Variants in TANGO6 observed in about 807,000 individuals in gnomAD.
TANGO6 encodes transport and golgi organization 6 homolog.
TANGO6 carries 90 observed loss-of-function variants against 114.2 expected under a neutral mutation model. The ratio of observed to expected loss-of-function variants is 0.79; its 90% CI spans 0.66 to 0.94. The LOEUF (loss-of-function observed/expected upper bound fraction) is 0.94. TANGO6 is among the 40% of genes least tolerant of loss of function. TANGO6 has a pLI of 0.00. For synonymous variants in TANGO6, 477 were observed against 509.8 expected (o/e 0.94, Z 0.87); for missense variants, 1,274 against 1,315.3 (o/e 0.97, Z 0.49).
At chr16:68,856,057 A>G (rs769928357) in intron 1 of TANGO6, among the ~76,000 whole-genome samples, 5 of 152,186 alleles carry the variant, frequency 3.3e-5, no homozygotes, top group South Asian at 2.1e-4. Flanking sequence ...TACATAAACA[A>G]TGATTCCATC....
chr16:68,998,598 G>A (rs902417867), intron 15 of TANGO6, among the ~76,000 whole-genome samples: 7 of 151,976 alleles, frequency 4.6e-5, no homozygotes, highest in African/African-American at 7.2e-5. Context: ...AGATGTGGTG[G>A]TGGACAACTG....
chr16:69,065,540 T>C (rs902763075), intron 17 of TANGO6, among the ~76,000 whole-genome samples: 36 of 152,218 alleles, frequency 2.4e-4, no homozygotes, highest in African/African-American at 8.2e-4. Context: ...ATTTGCACTT[T>C]AGATGCTCTC....
intron 7 of TANGO6, among the ~76,000 whole-genome samples, chr16:68,886,952 C>T (rs538782643): frequency 4.6e-5 from 7 of 152,124 alleles, no homozygotes; most frequent in South Asian, 2.1e-4. Context: ...GGATTACAGG[C>T]GCCAGCCACC....
chr16:68,997,471 A>T (rs550714767), intron 15 of TANGO6, among the ~76,000 whole-genome samples: 2 of 152,212 alleles, frequency 1.3e-5, no homozygotes. Flanking sequence ...GGACATTGCT[A>T]TGGCATTTAT....
intron 17 of TANGO6, among the ~76,000 whole-genome samples, chr16:69,064,613 A>G (rs188052494): frequency 4.6e-5 from 7 of 152,350 alleles, no homozygotes; most frequent in South Asian, 4.1e-4. Context: ...AGTAATGCAC[A>G]TATGAAAAAC....
chr16:68,876,133 A>G (rs1962354094), intron 5 of TANGO6, among the ~76,000 whole-genome samples: 1 of 152,044 alleles, frequency 6.6e-6, no homozygotes, highest in Non-Finnish European at 1.5e-5. Context: ...ACATACATTA[A>G]CATATACACA....
At chr16:68,893,205 C>T (rs1962651459) in intron 7 of TANGO6, among the ~76,000 whole-genome samples, 1 of 152,090 alleles carries the variant, frequency 6.6e-6, no homozygotes, top group Admixed American at 6.6e-5. Context: ...AATGAGCAAA[C>T]TTGCAGTCAA....
At chr16:68,857,314 T>C (rs1225306608) in intron 1 of TANGO6, among the ~76,000 whole-genome samples, 1 of 152,148 alleles carries the variant, frequency 6.6e-6, no homozygotes, top group Admixed American at 6.6e-5. Flanking sequence ...TCCATGTCTT[T>C]TGTGGCTTGA....
chr16:68,927,770 A>G lies in TANGO6; in HGVS notation c.2330A>G (p.Glu777Gly), dbSNP rs1410596544. The stretch of plus-strand genomic sequence containing the variant: ...AGAAAAGATCTGGAAGGGAAAATAG[A>G]AGAGCAGCAACAAACCAGTCATGAA... Reference protein sequence around the residue: ...LNRKDLEGKIEEQQQTSHERP... With the variant: ...LNRKDLEGKIGEQQQTSHERP... The change falls in exon 13 of 18, where the codon GAA becomes GGA. Residue 777 changes from glutamate to glycine, a missense_variant. Glu to Gly is a moderately conservative substitution (Grantham distance 98). Transcript: ENST00000261778. The G allele has an allele frequency of 6.2e-7, 1 of 1,613,862 alleles. No homozygotes were observed. Among genetic ancestry groups the G allele is most frequent in the African/African-American group, 1.3e-5 (1 of 74,930 alleles).
chr16:68,846,335 A>G lies in TANGO6; in HGVS notation c.94+2624A>G, dbSNP rs114624042. Among the ~76,000 whole-genome samples, 724 of 152,214 alleles carry G rather than the reference A, an allele frequency of 4.8e-3. 3 individuals are homozygous for G. The highest frequency in any genetic ancestry group is 0.017 in the African/African-American group (700 of 41,528). ...GCGCGAGCCACCATGCCCAACCTCA[A>G]GAAGTCAGCTGGATTTTCATATCTG... On this transcript the variant is annotated intron_variant, in intron 1 of 17. Transcript: ENST00000261778.
intron 4 of TANGO6, among the ~76,000 whole-genome samples, chr16:68,870,149 A>T (rs972955716): frequency 1.2e-4 from 18 of 152,224 alleles, no homozygotes; most frequent in Non-Finnish European, 2.6e-4. Context: ...ACATCTGAGG[A>T]ATCACGGAGG....
chr16:68,876,164 ATT>A (rs11314437), intron 5 of TANGO6, among the ~76,000 whole-genome samples: 11 of 146,138 alleles, frequency 7.5e-5, no homozygotes, highest in African/African-American at 2.0e-4. Flanking sequence ...ATTAATGCTA[ATT>A]TTTTTTTTTT....
chr16:68,927,544 G>T, intron 12 of TANGO6, 24 bp from the exon 13 acceptor site: 1 of 1,601,792 alleles, frequency 6.2e-7, no homozygotes, highest in South Asian at 1.1e-5. Context: ...ATTTGGGTTT[G>T]ACATTTTTTA....
chr16:68,913,092 C>A (rs1001955671), intron 11 of TANGO6, among the ~76,000 whole-genome samples: 13 of 143,242 alleles, frequency 9.1e-5, no homozygotes, highest in East Asian at 2.1e-4. Context: ...AAAAAAAAAA[C>A]AGGGTAATAA....
At chr16:68,916,023 T>G (rs1962999170) in intron 11 of TANGO6, among the ~76,000 whole-genome samples, 1 of 152,222 alleles carries the variant, frequency 6.6e-6, no homozygotes, top group African/African-American at 2.4e-5. Context: ...AAGGTGTTTT[T>G]ACTTAAGTTG....
chr16:68,996,592 A>C (rs1196580567), intron 15 of TANGO6, among the ~76,000 whole-genome samples: 1 of 152,174 alleles, frequency 6.6e-6, no homozygotes, highest in African/African-American at 2.4e-5. Flanking sequence ...TGCTGAGGGC[A>C]TGTGGCTCTC....
At chr16:69,042,290 T>G (rs1377525728) in intron 17 of TANGO6, among the ~76,000 whole-genome samples, 1 of 152,194 alleles carries the variant, frequency 6.6e-6, no homozygotes, top group East Asian at 1.9e-4. Context: ...CTCACACCTG[T>G]AATCCCAGCA....
At chr16:68,943,635 G>A (rs1963381081) in intron 14 of TANGO6, among the ~76,000 whole-genome samples, 1 of 152,028 alleles carries the variant, frequency 6.6e-6, no homozygotes, top group Admixed American at 6.6e-5. Flanking sequence ...AAAGTGCTGG[G>A]ATTACAGGCG....
intron 17 of TANGO6, among the ~76,000 whole-genome samples, chr16:69,063,924 C>T (rs1311613920): frequency 6.6e-6 from 1 of 151,748 alleles, no homozygotes; most frequent in Non-Finnish European, 1.5e-5. Context: ...GCAAACTCCG[C>T]CTCCCGGATT....
Sources: gnomAD v4.1 joint callset for allele counts (sites outside exome capture counted in the v4.1 genomes callset) on GRCh38, gnomAD v4.1.1 for gene constraint, MANE v1.5 for transcripts, NCBI Gene and HGNC (gene_info 2026-07-23, HGNC 2026-07-21) for gene names.